The following MBLAC2 variants were observed in gnomAD, a reference collection of about 807,000 sequenced individuals.
MBLAC2 encodes the protein acyl-coenzyme A thioesterase MBLAC2.
In MBLAC2, 24 loss-of-function variants were observed where a neutral mutation model predicts 23.3. The ratio of observed to expected loss-of-function variants is 1.03; its 90% CI spans 0.75 to 1.45. The LOEUF (loss-of-function observed/expected upper bound fraction) is 1.45. Ranked by LOEUF, MBLAC2 falls within the 40% of genes most tolerant of loss-of-function variation. The probability of loss-of-function intolerance (pLI) is 0.00; values close to 1 mark genes in which losing one functional copy is unlikely to be tolerated. For synonymous variants in MBLAC2, 162 were observed against 150.9 expected (o/e 1.07, Z -0.54); for missense variants, 358 against 370.0 (o/e 0.97, Z 0.27).
chr5:90,469,064 A>G (rs193237685), intron 1 of MBLAC2, among the ~76,000 whole-genome samples: 86 of 152,208 alleles, frequency 5.7e-4, no homozygotes, highest in African/African-American at 1.9e-3. Flanking sequence ...CCAGGAGAAA[A>G]AAAGAAATAA....
At chr5:90,463,569 T>G (rs1182514190) in intron 1 of MBLAC2, among the ~76,000 whole-genome samples, 2 of 152,174 alleles carry the variant, frequency 1.3e-5, no homozygotes, top group African/African-American at 4.8e-5. Context: ...TCAAAACATA[T>G]CAAAATGTAT....
Position 90,470,085 on chromosome 5 carries a change from A to G in MBLAC2, c.454+3754T>C, listed in dbSNP as rs146997420. On this transcript the variant is annotated intron_variant, in intron 1 of 1. Coordinates refer to ENST00000316610, the MANE Select transcript of MBLAC2 (RefSeq NM_203406.2). Reference sequence around the variant, plus strand: ...ATGAAATCCTGTCATTTGCAGCAACATGGATGGAACTGGAGGGCATTATGT... The same window carrying G: ...ATGAAATCCTGTCATTTGCAGCAACGTGGATGGAACTGGAGGGCATTATGT... 9.8e-5 allele frequency among the ~76,000 whole-genome samples: 15 copies of G among 152,300 alleles called. 1 individual carries two copies. In the East Asian group the frequency reaches 2.9e-3, roughly 29 times the overall value.
In MBLAC2 at chr5:90,461,690, A is replaced by G. The variant is rs1750372284; in HGVS notation, c.455-138T>C. The stretch of plus-strand genomic sequence containing the variant: ...TTCATAAATACTGTATTTCTTAATG[A>G]TGATTTAAAAATAAGCTGCCTATAG... On this transcript the variant is annotated intron_variant, in intron 1 of 1. Coordinates refer to ENST00000316610, the MANE Select transcript of MBLAC2 (RefSeq NM_203406.2). The G allele has an allele frequency of 1.1e-5, 10 of 886,390 alleles. No individual in the cohort carries two copies. The East Asian group carries it at 2.7e-4, about 24-fold the overall frequency. The allele number at this position is 886,390 out of a possible 1,614,324, so 54.9% of individuals were successfully genotyped here.
rs768033863 is a variant in MBLAC2 at position 90,474,245 on chromosome 5, G to T, written c.48C>A (p.Ile16=). The change falls in exon 1 of 2, where the codon ATC becomes ATA. Residue 16 remains isoleucine (I), a synonymous_variant. Transcript: ENST00000316610. ...CGTAGAAACGTTCTTGAATCCAGAA[G>T]ATACCATCGCCTAGAGACTTGTGGG... is the stretch of plus-strand genomic sequence containing the variant. The part of the protein sequence containing the change: ...WYAHKSLGDG[I]FWIQERFYES... The T allele has an allele frequency of 1.9e-6, 3 of 1,613,670 alleles. No individual in the cohort carries two copies. Among genetic ancestry groups the T allele is most frequent in the Non-Finnish European group, 2.5e-6 (3 of 1,179,864 alleles).
At chr5:90,471,329 T>G (rs911876429) in intron 1 of MBLAC2, among the ~76,000 whole-genome samples, 1 of 152,180 alleles carries the variant, frequency 6.6e-6, no homozygotes, top group Non-Finnish European at 1.5e-5. Flanking sequence ...GGTTTAAACA[T>G]GTATGTAATA....
chr5:90,461,678 T>C lies in MBLAC2; in HGVS notation c.455-126A>G, dbSNP rs984579325. 3 of 899,720 alleles carry C rather than the reference T, an allele frequency of 3.3e-6. No homozygotes were observed. In the African/African-American group the frequency reaches 5.1e-5, roughly 15 times the overall value. The allele number at this position is 899,720 out of a possible 1,614,324, so 55.7% of individuals were successfully genotyped here. ...ATGACACTTTATTTCATAAATACTGTATTTCTTAATGATGATTTAAAAATA... is the reference window on the plus strand; with the variant it reads ...ATGACACTTTATTTCATAAATACTGCATTTCTTAATGATGATTTAAAAATA... On this transcript the variant is annotated intron_variant, in intron 1 of 1. Coordinates refer to ENST00000316610, the MANE Select transcript of MBLAC2 (RefSeq NM_203406.2).
Position 90,465,138 on chromosome 5 carries a change from T to A in MBLAC2, c.455-3586A>T, listed in dbSNP as rs376102005. 6.3e-4 allele frequency among the ~76,000 whole-genome samples: 96 copies of A among 152,290 alleles called. 1 individual carries two copies. In the South Asian group the frequency reaches 0.02, roughly 31 times the overall value. ...GAAAAAGCTAGAGAACTAAAAAGTT[T>A]ACCAATGTTACAGGATACCAGATCA... On this transcript the variant is annotated intron_variant, in intron 1 of 1. Transcript: ENST00000316610.
At chr5:90,462,783 T>G (rs1199352527) in intron 1 of MBLAC2, among the ~76,000 whole-genome samples, 1 of 152,102 alleles carries the variant, frequency 6.6e-6, no homozygotes. Flanking sequence ...CTTGGAGAGT[T>G]CAATATTCTT....
chr5:90,460,926 G>C lies in MBLAC2; in HGVS notation c.*241C>G. 1 of 376,572 alleles carries C rather than the reference G, an allele frequency of 2.7e-6. No individual in the cohort carries two copies. Among genetic ancestry groups the C allele is most frequent in the South Asian group, 5.6e-5 (1 of 17,722 alleles). The allele number at this position is 376,572 out of a possible 1,614,324, so 23.3% of individuals were successfully genotyped here. On this transcript the variant is annotated 3_prime_UTR_variant, in exon 2 of 2. Transcript: ENST00000316610. ...CCCATAAACCTTTATGTCATTTCTAGAGCATATATTACAAGATGACAGCTT... is the reference window on the plus strand; with the variant it reads ...CCCATAAACCTTTATGTCATTTCTACAGCATATATTACAAGATGACAGCTT...
chr5:90,465,229 T>C (rs1487628197), intron 1 of MBLAC2, among the ~76,000 whole-genome samples: 2 of 152,174 alleles, frequency 1.3e-5, no homozygotes, highest in African/African-American at 2.4e-5. Flanking sequence ...TTTAAGACAT[T>C]TGACTCAAAA....
chr5:90,474,420 G>C lies in MBLAC2; in HGVS notation c.-128C>G. The stretch of plus-strand genomic sequence containing the variant: ...AGCCAGGGAGGAGGCGTAGAGCGAG[G>C]CGGGGGCGTGGGATGCGGGGGTCGG... On this transcript the variant is annotated 5_prime_UTR_variant, in exon 1 of 2. Transcript: ENST00000316610. 1.2e-6 allele frequency: 1 copy of C among 837,318 alleles called. No individual in the cohort carries two copies. Among genetic ancestry groups the C allele is most frequent in the Non-Finnish European group, 1.9e-6 (1 of 526,240 alleles). 51.9% of individuals were successfully genotyped at this position (837,318 alleles called of 1,614,324 possible).
At chr5:90,472,028 A>G (rs1022013179) in intron 1 of MBLAC2, 6 of 152,190 alleles carry the variant, frequency 3.9e-5, no homozygotes, top group African/African-American at 1.4e-4. Context: ...TTCTACCATC[A>G]ACTGGAAACC....
chr5:90,465,372 T>G (rs76264574), intron 1 of MBLAC2, among the ~76,000 whole-genome samples: 7,191 of 152,190 alleles, frequency 0.047, 578 homozygotes, highest in African/African-American at 0.16. Context: ...AAAGGAGAGA[T>G]AGGCTATGCT....
intron 1 of MBLAC2, 41 bp from the exon 2 acceptor site, chr5:90,461,593 A>G (rs1025907820): frequency 6.4e-7 from 1 of 1,552,726 alleles, no homozygotes; most frequent in African/African-American, 1.4e-5. Flanking sequence ...CATGTTGTAT[A>G]CTTGACTTAG....
intron 1 of MBLAC2, among the ~76,000 whole-genome samples, chr5:90,470,543 G>A (rs2151892541): frequency 6.6e-6 from 1 of 152,198 alleles, no homozygotes; most frequent in South Asian, 2.1e-4. Context: ...TGGTGACCAA[G>A]GCTTCACAGT....
intron 1 of MBLAC2, among the ~76,000 whole-genome samples, chr5:90,469,833 A>T (rs1750515707): frequency 6.6e-6 from 1 of 152,236 alleles, no homozygotes; most frequent in Non-Finnish European, 1.5e-5. Context: ...GTTCCTCAAC[A>T]AACTGAAAAT....
chr5:90,471,854 G>A (rs1249115578), intron 1 of MBLAC2: 1 of 152,104 alleles, frequency 6.6e-6, no homozygotes, highest in African/African-American at 2.4e-5. Context: ...GAGAGGGTGG[G>A]GCATCCAGCT....
intron 1 of MBLAC2, 88 bp downstream of exon 1, chr5:90,473,751 C>A: frequency 7.7e-7 from 1 of 1,296,478 alleles, no homozygotes; most frequent in Non-Finnish European, 1.1e-6. Flanking sequence ...CCCTTTATGG[C>A]CACGCAAGTC....
intron 1 of MBLAC2, chr5:90,472,482 G>T (rs1015115752): frequency 6.6e-6 from 1 of 151,108 alleles, no homozygotes; most frequent in African/African-American, 2.4e-5. Flanking sequence ...TTGTTCGGTG[G>T]GTGTGAGGTA....
Sources: allele counts gnomAD v4.1 joint callset (sites outside exome capture counted in the v4.1 genomes callset), GRCh38; gene constraint gnomAD v4.1.1; transcripts MANE v1.5; gene names NCBI Gene and HGNC (gene_info 2026-07-23, HGNC 2026-07-21).